The following IL34 variants were observed in gnomAD, a reference collection of about 807,000 sequenced individuals.
IL34 encodes interleukin 34, also known as interleukin-34.
A neutral mutation model predicts 25.3 loss-of-function variants in IL34; 17 were observed. The observed-to-expected ratio is 0.67, with a 90% CI of 0.46 to 1.01. The LOEUF is 1.01. IL34 is among the 50% of genes least tolerant of loss of function. IL34 has a pLI of 0.00. For missense variants in IL34, 368 were observed against 312.9 expected (o/e 1.18, Z -1.33); for synonymous variants, 174 against 140.9 (o/e 1.23, Z -1.66).
intron 1 of IL34, among the ~76,000 whole-genome samples, chr16:70,602,454 G>C (rs2050932168): frequency 6.6e-6 from 1 of 152,068 alleles, no homozygotes; most frequent in Non-Finnish European, 1.5e-5. Flanking sequence ...GATCACTTGA[G>C]CCCTGGAGGT....
upstream of IL34, among the ~76,000 whole-genome samples, chr16:70,642,595 C>A (rs183734628): frequency 1.3e-5 from 2 of 152,226 alleles, no homozygotes; most frequent in Admixed American, 1.3e-4. Flanking sequence ...TGAGCCCGGC[C>A]TGATTTCTTT....
chr16:70,580,720 G>A (rs554966393), intron 1 of IL34, among the ~76,000 whole-genome samples: 70 of 150,976 alleles, frequency 4.6e-4, no homozygotes, highest in African/African-American at 1.5e-3. Flanking sequence ...GGTGGAGGTT[G>A]CAGTGAGCCG....
At chr16:70,619,946 G>A (rs2051245748) in intron 1 of IL34, among the ~76,000 whole-genome samples, 1 of 152,180 alleles carries the variant, frequency 6.6e-6, no homozygotes, top group African/African-American at 2.4e-5. Flanking sequence ...TGTGGGAGGA[G>A]GTTCTGGAGG....
In IL34 at chr16:70,660,131, C is replaced by T. The variant is rs746167704; in HGVS notation, c.673C>T (p.His225Tyr). The T allele has an allele frequency of 4.3e-6, 7 of 1,612,330 alleles. No homozygotes were observed. In the East Asian group the frequency reaches 1.6e-4, roughly 36 times the overall value. ...PPPWSPSSPP[H>Y]STGSVRPVRA... ...CCCGTGGTCCCCCAGCTCCCCGCCT[C>T]ACTCCACGGGCTCGGTGAGGCCGGT... Residue 225 changes from histidine to tyrosine, a missense_variant, in exon 6 of 6, where the codon CAC (histidine) becomes TAC (tyrosine). By Grantham distance (83) the His-to-Tyr change is moderately conservative. Transcript: ENST00000288098.
intron 1 of IL34, among the ~76,000 whole-genome samples, chr16:70,636,585 T>TCTCA (rs1232745844): frequency 5.1e-5 from 7 of 136,482 alleles, no homozygotes; most frequent in African/African-American, 1.9e-4. Context: ...GCAAACCCTG[T>TCTCA]CACACACACA....
At chr16:70,629,473 A>G (rs2051468899) in intron 1 of IL34, among the ~76,000 whole-genome samples, 1 of 152,164 alleles carries the variant, frequency 6.6e-6, no homozygotes, top group Non-Finnish European at 1.5e-5. Flanking sequence ...AAGATACCAA[A>G]ATCCATGGAC....
intron 1 of IL34, among the ~76,000 whole-genome samples, chr16:70,611,204 C>T (rs564719210): frequency 1.3e-5 from 2 of 152,282 alleles, no homozygotes; most frequent in East Asian, 1.9e-4. Context: ...TCTCGAACTC[C>T]TGTGCTCAGG....
intron 1 of IL34, among the ~76,000 whole-genome samples, chr16:70,586,367 G>A (rs2050694459): frequency 6.6e-6 from 1 of 152,144 alleles, no homozygotes; most frequent in African/African-American, 2.4e-5. Flanking sequence ...CCAGGAGTTG[G>A]AGATCAGCCT....
intron 1 of IL34, among the ~76,000 whole-genome samples, chr16:70,624,140 C>G (rs1310998360): frequency 1.3e-5 from 2 of 152,084 alleles, no homozygotes; most frequent in Non-Finnish European, 2.9e-5. Flanking sequence ...GTGAGTTGAA[C>G]AGTCCGATTT....
intron 1 of IL34, among the ~76,000 whole-genome samples, chr16:70,626,720 T>G (rs1465414028): frequency 1.3e-5 from 2 of 152,004 alleles, no homozygotes; most frequent in East Asian, 3.9e-4. Flanking sequence ...TCCTATGTTT[T>G]CTTCTATTAT....
At chr16:70,651,140 G>A (rs927310984) in intron 1 of IL34, among the ~76,000 whole-genome samples, 5 of 152,070 alleles carry the variant, frequency 3.3e-5, no homozygotes, top group Non-Finnish European at 7.4e-5. Flanking sequence ...GACAGAGACC[G>A]ATGGGGGCTG....
intron 1 of IL34, among the ~76,000 whole-genome samples, chr16:70,636,494 C>T (rs1326736512): frequency 6.6e-6 from 1 of 151,960 alleles, no homozygotes. Context: ...AATACTCTGA[C>T]ATAGTGTCGT....
At chr16:70,583,394 A>C (rs11646727) in intron 1 of IL34, among the ~76,000 whole-genome samples, 3 of 151,864 alleles carry the variant, frequency 2.0e-5, no homozygotes, top group Admixed American at 2.0e-4. Flanking sequence ...GAGCCACCGC[A>C]CCTGGCAATG....
intron 1 of IL34, among the ~76,000 whole-genome samples, chr16:70,618,732 C>T (rs181376893): frequency 6.6e-5 from 10 of 152,002 alleles, no homozygotes; most frequent in South Asian, 6.2e-4. Context: ...AGAGATCAGT[C>T]GGACAGGGAG....
chr16:70,632,940 A>AG (rs2051552235), intron 1 of IL34, among the ~76,000 whole-genome samples: 2 of 152,084 alleles, frequency 1.3e-5, no homozygotes, highest in Non-Finnish European at 1.5e-5. Context: ...CTTACTTAAA[A>AG]TAAAATTCTT....
intron 1 of IL34, among the ~76,000 whole-genome samples, chr16:70,624,402 T>G (rs2051346892): frequency 6.6e-6 from 1 of 152,126 alleles, no homozygotes; most frequent in Non-Finnish European, 1.5e-5. Context: ...GAAGGTGAGG[T>G]TAATTAAATC....
intron 1 of IL34, among the ~76,000 whole-genome samples, chr16:70,626,353 C>G (rs2051392990): frequency 6.6e-6 from 1 of 152,084 alleles, no homozygotes; most frequent in Admixed American, 6.6e-5. Flanking sequence ...GGTACCAAAA[C>G]CTTCCCACTT....
chr16:70,629,141 G>A (rs909096372), intron 1 of IL34, among the ~76,000 whole-genome samples: 2 of 152,078 alleles, frequency 1.3e-5, no homozygotes, highest in African/African-American at 4.8e-5. Flanking sequence ...ATCATCTCAT[G>A]TACAAGTGGA....
At chr16:70,606,826 G>A (rs1009840508) in intron 1 of IL34, among the ~76,000 whole-genome samples, 2 of 152,132 alleles carry the variant, frequency 1.3e-5, no homozygotes, top group African/African-American at 4.8e-5. Flanking sequence ...AGGCTCAGAT[G>A]ATCCTCCTGC....
Sources: allele counts gnomAD v4.1 joint callset (sites outside exome capture counted in the v4.1 genomes callset), GRCh38; gene constraint gnomAD v4.1.1; transcripts MANE v1.5; gene names NCBI Gene and HGNC (gene_info 2026-07-23, HGNC 2026-07-21).